FAM3D: variants seen among roughly 807,000 people sequenced by gnomAD.
FAM3D encodes FAM3 metabolism regulating signaling molecule D.
A neutral mutation model predicts 29.8 loss-of-function variants in FAM3D; 26 were observed. The ratio of observed to expected loss-of-function variants is 0.87; its 90% CI spans 0.64 to 1.21. The LOEUF is 1.21. Ranked by LOEUF, FAM3D falls within the 50% of genes most tolerant of loss-of-function variation. The pLI, the probability that FAM3D is intolerant of heterozygous loss-of-function variation, is 0.00. For missense variants in FAM3D, 253 were observed against 290.9 expected (o/e 0.87, Z 0.95); for synonymous variants, 115 against 102.3 (o/e 1.12, Z -0.75).
intron 3 of FAM3D, 199 bp from the exon 4 acceptor site, chr3:58,649,537 GT>G: frequency 1.6e-6 from 1 of 620,904 alleles, no homozygotes; most frequent in Non-Finnish European, 2.9e-6. Flanking sequence ...AGATACACAT[GT>G]GTACACACAC....
chr3:58,634,549 T>G lies in FAM3D; in HGVS notation c.586-181A>C. 1.7e-6 allele frequency: 1 copy of G among 573,610 alleles called. No homozygotes were observed. Among genetic ancestry groups the G allele is most frequent in the Non-Finnish European group, 3.0e-6 (1 of 328,400 alleles). 35.5% of individuals were successfully genotyped at this position (573,610 alleles called of 1,614,324 possible). A position where few individuals can be genotyped will look rare whatever the true frequency, so the allele number is the denominator to read the frequency against. Reference sequence around the variant, plus strand: ...CTTGCTCAAGATCTCAGAGATGGGATCAGAGCCCAGTTAACTGCTCTCACG... The same window carrying G: ...CTTGCTCAAGATCTCAGAGATGGGAGCAGAGCCCAGTTAACTGCTCTCACG... On this transcript the variant is annotated intron_variant, in intron 9 of 9. Transcript: ENST00000358781. This position sits in a 1 kb window ranked among gnomAD's most constrained non-coding sequence, Gnocchi z 4.6.
chr3:58,636,229 C>T (rs181918739), intron 9 of FAM3D, 65 bp downstream of exon 9: 5 of 1,571,292 alleles, frequency 3.2e-6, no homozygotes, highest in African/African-American at 1.4e-5. Flanking sequence ...ATGGGTGACT[C>T]CTTCCTACCA....
chr3:58,634,263 A>T lies in FAM3D; in HGVS notation c.*16T>A. ...AGCTTCTTCAGGCCCCTGGCTGAGG[A>T]AGAGCCACAGCCACCCTAAAATGGC... is the stretch of plus-strand genomic sequence containing the variant. On this transcript the variant is annotated 3_prime_UTR_variant, in exon 10 of 10. Transcript: ENST00000358781. This position sits in a 1 kb window ranked among gnomAD's most constrained non-coding sequence, Gnocchi z 4.6. 1 of 1,611,736 alleles carries T rather than the reference A, an allele frequency of 6.2e-7. No homozygotes were observed. The highest frequency in any genetic ancestry group is 8.5e-7 in the Non-Finnish European group (1 of 1,178,630).
intron 1 of FAM3D, among the ~76,000 whole-genome samples, chr3:58,665,458 G>C (rs756666401): frequency 6.6e-6 from 1 of 152,140 alleles, no homozygotes; most frequent in Non-Finnish European, 1.5e-5. Context: ...TCTCCATGGT[G>C]TATGTCAAAC....
At chr3:58,636,038 CT>C (rs2066157768) in intron 9 of FAM3D, among the ~76,000 whole-genome samples, 1 of 152,232 alleles carries the variant, frequency 6.6e-6, no homozygotes, top group Non-Finnish European at 1.5e-5. Context: ...TTCTTTTCTC[CT>C]TTTCCCTCTT....
intron 6 of FAM3D, among the ~76,000 whole-genome samples, chr3:58,642,584 C>G (rs1401068585): frequency 6.6e-6 from 1 of 152,182 alleles, no homozygotes; most frequent in Non-Finnish European, 1.5e-5. Context: ...GGCTAGACCA[C>G]CTGGTCCTTA....
intron 1 of FAM3D, among the ~76,000 whole-genome samples, chr3:58,658,496 C>T (rs1559508454): frequency 6.6e-6 from 1 of 152,112 alleles, no homozygotes; most frequent in Non-Finnish European, 1.5e-5. Flanking sequence ...CTTGCGAGTC[C>T]CTCTGTCTGA....
chr3:58,659,428 C>A (rs941958763), intron 1 of FAM3D, among the ~76,000 whole-genome samples: 1 of 152,196 alleles, frequency 6.6e-6, no homozygotes, highest in Non-Finnish European at 1.5e-5. Context: ...CATGACCTGT[C>A]CCAGAGCCAA....
In FAM3D at chr3:58,634,185, C is replaced by A. The variant is rs1011122049; in HGVS notation, c.*94G>T. On this transcript the variant is annotated 3_prime_UTR_variant, in exon 10 of 10. Transcript: ENST00000358781. The surrounding 1 kb of genome is among the most constrained non-coding windows in gnomAD (Gnocchi z 4.6). ...CCTGCAGCACCTTCCACGCAGCACC[C>A]CCTGCTCCTCCTCCTCAGCCCCTGC... is the stretch of plus-strand genomic sequence containing the variant. 5 of 1,150,554 alleles carry A rather than the reference C, an allele frequency of 4.3e-6. No homozygotes were observed. In the African/African-American group the frequency reaches 7.7e-5, roughly 18 times the overall value. 71.3% of individuals were successfully genotyped at this position (1,150,554 alleles called of 1,614,324 possible).
At chr3:58,646,807 C>G (rs2066495576) in intron 4 of FAM3D, among the ~76,000 whole-genome samples, 1 of 152,222 alleles carries the variant, frequency 6.6e-6, no homozygotes. Context: ...ATCTTATTGA[C>G]TCATCCTGAA....
At chr3:58,637,905 A>T (rs554913574) in intron 7 of FAM3D, among the ~76,000 whole-genome samples, 2 of 5,608 alleles carry the variant, frequency 3.6e-4, no homozygotes, top group East Asian at 0.013. Flanking sequence ...TTATTCTGAC[A>T]CAGAGTTTCT....
intron 3 of FAM3D, among the ~76,000 whole-genome samples, chr3:58,650,451 G>C (rs1416254111): frequency 1.3e-5 from 2 of 152,182 alleles, no homozygotes; most frequent in African/African-American, 4.8e-5. Context: ...TTTCAGCCAA[G>C]GGAGAAGATA....
rs1246466279 is a variant in FAM3D, at chr3:58,635,672, T to C, written c.585+622A>G. Reference sequence around the variant, plus strand: ...CCCACCGGCCTCCTGCGTTCTTCACTGCGTTCAAGTAATTTCTAGTTACCC... The same window carrying C: ...CCCACCGGCCTCCTGCGTTCTTCACCGCGTTCAAGTAATTTCTAGTTACCC... On this transcript the variant is annotated intron_variant, in intron 9 of 9. Coordinates refer to ENST00000358781, the MANE Select transcript of FAM3D (RefSeq NM_138805.3). The surrounding 1 kb of genome is among the most constrained non-coding windows in gnomAD (Gnocchi z 5.2). Among the ~76,000 whole-genome samples, 1 of 152,236 alleles carries C rather than the reference T, an allele frequency of 6.6e-6. No individual in the cohort carries two copies. The highest frequency in any genetic ancestry group is 2.4e-5 in the African/African-American group (1 of 41,448).
intron 1 of FAM3D, among the ~76,000 whole-genome samples, chr3:58,662,154 TA>T (rs11331545): frequency 0.39 from 59,488 of 151,928 alleles, 12,601 homozygotes; most frequent in Middle Eastern, 0.5. Context: ...CTGGGTGGAG[TA>T]TCTGGGTTCA....
chr3:58,648,532 T>G (rs1231272666), intron 4 of FAM3D, among the ~76,000 whole-genome samples: 1 of 152,162 alleles, frequency 6.6e-6, no homozygotes, highest in Non-Finnish European at 1.5e-5. Context: ...CTTAGTTTCC[T>G]TACCTATAAA....
chr3:58,655,509 A>C (rs763153721), intron 2 of FAM3D, 42 bp downstream of exon 2: 1 of 1,612,572 alleles, frequency 6.2e-7, no homozygotes, highest in South Asian at 1.1e-5. Context: ...GGGTGGACAC[A>C]GCTGACAGAA....
intron 3 of FAM3D, among the ~76,000 whole-genome samples, chr3:58,650,127 C>T (rs1340639556): frequency 6.6e-6 from 1 of 152,240 alleles, no homozygotes; most frequent in Non-Finnish European, 1.5e-5. Context: ...TCGTATCTCC[C>T]ACCACGCCAG....
chr3:58,639,248 G>C (rs2066260974), intron 7 of FAM3D, among the ~76,000 whole-genome samples: 1 of 152,138 alleles, frequency 6.6e-6, no homozygotes, highest in Non-Finnish European at 1.5e-5. Flanking sequence ...AGCTTGCCTG[G>C]ACCCCTCCAC....
rs2066091416 is a variant in FAM3D, at chr3:58,634,116, G to C, written c.*163C>G. 3.3e-6 allele frequency: 2 copies of C among 601,236 alleles called. No individual in the cohort carries two copies. The highest frequency in any genetic ancestry group is 2.9e-6 in the Non-Finnish European group (1 of 343,384). The allele number at this position is 601,236 out of a possible 1,614,324, so 37.2% of individuals were successfully genotyped here. A position where few individuals can be genotyped will look rare whatever the true frequency, so the allele number is the denominator to read the frequency against. On this transcript the variant is annotated 3_prime_UTR_variant, in exon 10 of 10. Transcript: ENST00000358781. The surrounding 1 kb of genome is among the most constrained non-coding windows in gnomAD (Gnocchi z 4.6). ...TTCCGGGTAGGATGTGCTGTGGGAG[G>C]GTTCTGTTTCCGAGGAGGAGAGGCG...
Sources: allele counts gnomAD v4.1 joint callset (sites outside exome capture counted in the v4.1 genomes callset), GRCh38; gene constraint gnomAD v4.1.1; non-coding constraint Gnocchi (gnomAD v3.1); transcripts MANE v1.5; gene names NCBI Gene and HGNC (gene_info 2026-07-23, HGNC 2026-07-21).